Variants in PPP2R5C observed in about 807,000 individuals in gnomAD.
PPP2R5C encodes the protein protein phosphatase 2 regulatory subunit B'gamma.
In PPP2R5C, 7 loss-of-function variants were observed where a neutral mutation model predicts 68.9. The observed-to-expected ratio is 0.10, with a 90% CI of 0.06 to 0.19. The LOEUF (loss-of-function observed/expected upper bound fraction) is 0.19, where lower values mean the gene tolerates loss of function less well. PPP2R5C is among the 10% of genes least tolerant of loss of function. The pLI is 1.00. For missense variants in PPP2R5C, 348 were observed against 641.3 expected (o/e 0.54, Z 4.94); for synonymous variants, 210 against 222.2 (o/e 0.95, Z 0.49).
chr14:101,824,370 A>G, intron 1 of PPP2R5C: 1 of 316,412 alleles, frequency 3.2e-6, no homozygotes, highest in Non-Finnish European at 5.9e-6. Flanking sequence ...GCATCAAGAA[A>G]TATTTCTTGA....
chr14:101,909,150 T>C (rs2046246800), intron 10 of PPP2R5C, among the ~76,000 whole-genome samples: 1 of 152,230 alleles, frequency 6.6e-6, no homozygotes, highest in African/African-American at 2.4e-5. Context: ...ATGCTCATTT[T>C]ATTTTCTCTT....
At chr14:101,840,503 A>AG (rs1463744520) in intron 1 of PPP2R5C, among the ~76,000 whole-genome samples, 3 of 146,162 alleles carry the variant, frequency 2.1e-5, no homozygotes, top group Non-Finnish European at 3.1e-5. Flanking sequence ...AAAAAAAAAA[A>AG]AAAAAAGCTC....
chr14:101,796,052 G>A (rs1368813217), intron 3 of PPP2R5C, among the ~76,000 whole-genome samples: 1 of 151,980 alleles, frequency 6.6e-6, no homozygotes, highest in East Asian at 1.9e-4. Flanking sequence ...CGAACTCCTG[G>A]GCTCAAGTGA....
At chr14:101,905,657 CAA>C (rs908953650) in intron 9 of PPP2R5C, among the ~76,000 whole-genome samples, 2 of 140,998 alleles carry the variant, frequency 1.4e-5, no homozygotes, top group Admixed American at 7.1e-5. Flanking sequence ...AAATCCATCT[CAA>C]AAAAAAAAAA....
At chr14:101,905,722 A>G (rs1455961729) in intron 9 of PPP2R5C, among the ~76,000 whole-genome samples, 2 of 150,714 alleles carry the variant, frequency 1.3e-5, no homozygotes, top group Non-Finnish European at 2.9e-5. Context: ...AGTAAGCGCC[A>G]GTGCACTCAG....
chr14:101,892,495 T>A (rs1027262882), intron 6 of PPP2R5C, among the ~76,000 whole-genome samples: 3 of 152,184 alleles, frequency 2.0e-5, no homozygotes, highest in Non-Finnish European at 4.4e-5. Flanking sequence ...CCTGCTGTTC[T>A]GGGTAACACC....
At chr14:101,884,472 A>G (rs775238790) in intron 5 of PPP2R5C, among the ~76,000 whole-genome samples, 3 of 152,202 alleles carry the variant, frequency 2.0e-5, no homozygotes, top group Non-Finnish European at 1.5e-5. Context: ...GTGGAGTCTC[A>G]GTGAGAGGAG....
At chr14:101,837,579 G>A (rs1235758318) in intron 1 of PPP2R5C, among the ~76,000 whole-genome samples, 1 of 152,066 alleles carries the variant, frequency 6.6e-6, no homozygotes, top group South Asian at 2.1e-4. Context: ...AAACACACAG[G>A]CGGAAACCAG....
chr14:101,772,065 C>T (rs1161773569), intron 2 of PPP2R5C, among the ~76,000 whole-genome samples: 1 of 152,134 alleles, frequency 6.6e-6, no homozygotes, highest in Non-Finnish European at 1.5e-5. Flanking sequence ...GAAAGTTCTG[C>T]TGGACAGAGC....
intron 3 of PPP2R5C, among the ~76,000 whole-genome samples, chr14:101,790,706 C>T (rs1023587039): frequency 2.0e-5 from 3 of 152,190 alleles, no homozygotes; most frequent in Admixed American, 6.5e-5. Flanking sequence ...GAAGTCTGTG[C>T]GAGCAGATAT....
intron 2 of PPP2R5C, among the ~76,000 whole-genome samples, chr14:101,862,030 AGCCTCCTGAGT>A (rs2042772993): frequency 6.6e-6 from 1 of 152,132 alleles, no homozygotes. Context: ...CTCCCACCTC[AGCCTCCTGAGT>A]AGCTGGGACC....
At chr14:101,796,638 G>GC in intron 3 of PPP2R5C, 1 of 156,922 alleles carries the variant, frequency 6.4e-6, no homozygotes, top group Non-Finnish European at 1.4e-5. Flanking sequence ...AGCCCAGCCA[G>GC]CCAGCCCAGC....
rs535231423 is a variant in PPP2R5C at position 101,920,712 on chromosome 14, A to G, written c.1443+2765A>G. Among the ~76,000 whole-genome samples, 7 of 152,354 alleles carry G rather than the reference A, an allele frequency of 4.6e-5. No homozygotes were observed. The South Asian group carries it at 1.4e-3, about 32-fold the overall frequency. ...ATCTAGAGTAGCCAAAACAACTGTG[A>G]AAAAGAACAAAGTTGGAAGACTAAT... is the stretch of plus-strand genomic sequence containing the variant. On this transcript the variant is annotated intron_variant, in intron 13 of 13. Coordinates refer to ENST00000334743, the Ensembl canonical transcript of PPP2R5C.
intron 3 of PPP2R5C, among the ~76,000 whole-genome samples, chr14:101,786,905 T>C (rs762218090): frequency 2.6e-5 from 4 of 152,164 alleles, no homozygotes; most frequent in Non-Finnish European, 4.4e-5. Flanking sequence ...AAAATAACAT[T>C]TTTCATACCT....
At chr14:101,925,201 G>A in exon 14 of PPP2R5C, 1 of 1,614,046 alleles carries the variant, frequency 6.2e-7, no homozygotes, top group Non-Finnish European at 8.5e-7. Context: ...GCTGCCTCAG[G>A]ACCCCCACAC....
intron 6 of PPP2R5C, among the ~76,000 whole-genome samples, chr14:101,892,061 A>G (rs1226754325): frequency 6.6e-6 from 1 of 152,108 alleles, no homozygotes. Flanking sequence ...GGTTCAAGCA[A>G]TTCTCTGCCT....
chr14:101,766,121 G>A (rs1455676084), intron 2 of PPP2R5C: 1 of 152,186 alleles, frequency 6.6e-6, no homozygotes, highest in Non-Finnish European at 1.5e-5. Flanking sequence ...CAAGTATATG[G>A]CAGGTCTGTA....
chr14:101,796,151 A>C (rs2038597269), intron 3 of PPP2R5C, among the ~76,000 whole-genome samples: 1 of 152,154 alleles, frequency 6.6e-6, no homozygotes, highest in South Asian at 2.1e-4. Flanking sequence ...TGAAAGCTTT[A>C]CCATAAAAGT....
chr14:101,783,686 C>T (rs1286703858), intron 2 of PPP2R5C, among the ~76,000 whole-genome samples: 2 of 152,230 alleles, frequency 1.3e-5, no homozygotes, highest in Non-Finnish European at 1.5e-5. Flanking sequence ...TAGGCTGGGC[C>T]ACCTTCCATG....
Sources: allele counts gnomAD v4.1 joint callset (sites outside exome capture counted in the v4.1 genomes callset), GRCh38; gene constraint gnomAD v4.1.1; transcripts MANE v1.5; gene names NCBI Gene and HGNC (gene_info 2026-07-23, HGNC 2026-07-21).